Variants in CFAP46 observed in about 807,000 individuals in gnomAD.
CFAP46 encodes cilia and flagella associated protein 46, also known as cilia- and flagella-associated protein 46.
Under a neutral mutation model 325.7 loss-of-function variants are expected in CFAP46, and 245 were observed. The ratio of observed to expected loss-of-function variants is 0.75; its 90% CI spans 0.68 to 0.84. CFAP46 has a LOEUF of 0.84. CFAP46 is among the 40% of genes least tolerant of loss of function. The probability of loss-of-function intolerance (pLI) is 0.00; values close to 1 mark genes in which losing one functional copy is unlikely to be tolerated. For missense variants in CFAP46, 3,346 were observed against 3,543.0 expected (o/e 0.94, Z 1.41); for synonymous variants, 1,523 against 1,495.9 (o/e 1.02, Z -0.42).
chr10:132,933,037 C>T (rs532213505), intron 8 of CFAP46, among the ~76,000 whole-genome samples: 3 of 152,344 alleles, frequency 2.0e-5, no homozygotes, highest in East Asian at 1.9e-4. Context: ...TGCTGTTTCC[C>T]GGGGAGTAAT....
At chr10:132,892,987 G>A (rs1849274951) in intron 24 of CFAP46, among the ~76,000 whole-genome samples, 1 of 152,164 alleles carries the variant, frequency 6.6e-6, no homozygotes, top group Non-Finnish European at 1.5e-5. Flanking sequence ...GTCTCAGCCA[G>A]CACCAGGGAA....
At chr10:132,885,770 AGCACTCAGGCGGTGGAGGG>A in intron 26 of CFAP46, 32 bp downstream of exon 26, 2 of 1,369,288 alleles carry the variant, frequency 1.5e-6, no homozygotes, top group South Asian at 1.3e-5. Flanking sequence ...CGGTGGGGGG[AGCACTCAGGCGGTGGAGGG>A]AGCACTCACA....
intron 50 of CFAP46, among the ~76,000 whole-genome samples, chr10:132,831,293 C>T (rs549537090): frequency 1.3e-5 from 2 of 150,292 alleles, no homozygotes; most frequent in East Asian, 2.0e-4. Context: ...CATCAATGTC[C>T]GTTACTGATT....
rs376180107 is a variant in CFAP46, at chr10:132,858,414, G to A, written c.5376-626C>T. On this transcript the variant is annotated intron_variant, in intron 38 of 57. Coordinates refer to ENST00000368586, the MANE Select transcript of CFAP46 (RefSeq NM_001200049.3). ...GGTGGCCCCAGGTTGGAGGCAGGGC[G>A]GTGGGCGGGGCCAGGGAGGCTTTGC... 8.4e-4 allele frequency among the ~76,000 whole-genome samples: 124 copies of A among 147,840 alleles called. 2 individuals are homozygous for A. Among genetic ancestry groups the A allele is most frequent in the South Asian group, 3.0e-3 (13 of 4,338 alleles).
At chr10:132,830,520 T>C (rs1349889990) in intron 50 of CFAP46, among the ~76,000 whole-genome samples, 1 of 152,256 alleles carries the variant, frequency 6.6e-6, no homozygotes, top group Non-Finnish European at 1.5e-5. Flanking sequence ...AGGTCATCCC[T>C]TTCTTCTTGA....
chr10:132,849,486 T>C (rs1413655033), intron 41 of CFAP46, among the ~76,000 whole-genome samples: 1 of 152,186 alleles, frequency 6.6e-6, no homozygotes, highest in Non-Finnish European at 1.5e-5. Flanking sequence ...CCAGCTTCTC[T>C]GCTGGGGCAG....
At chr10:132,809,186 G>A (rs559007117) in intron 57 of CFAP46, among the ~76,000 whole-genome samples, 1 of 152,320 alleles carries the variant, frequency 6.6e-6, no homozygotes, top group African/African-American at 2.4e-5. Flanking sequence ...TGCTCTGCTG[G>A]GGGGGCGCCC....
At chr10:132,921,332 G>C (rs911471857) in intron 13 of CFAP46, among the ~76,000 whole-genome samples, 1 of 152,232 alleles carries the variant, frequency 6.6e-6, no homozygotes, top group African/African-American at 2.4e-5. Flanking sequence ...GCTGGAGAGA[G>C]TGGGGCCGCC....
In CFAP46 at chr10:132,876,691, G is replaced by A; in HGVS notation, c.4362+121C>T. Reference sequence around the variant, plus strand: ...GCCTGTGGGAGGCTGGGGGCTGATGGGACTCTGTCCTGTCCTCCTTTTTCT... The same window carrying A: ...GCCTGTGGGAGGCTGGGGGCTGATGAGACTCTGTCCTGTCCTCCTTTTTCT... On this transcript the variant is annotated intron_variant, in intron 31 of 57. Coordinates refer to ENST00000368586, the MANE Select transcript of CFAP46 (RefSeq NM_001200049.3). This position sits in a 1 kb window ranked among gnomAD's most constrained non-coding sequence, Gnocchi z 4.1. The A allele has an allele frequency of 3.8e-6, 4 of 1,045,046 alleles. No homozygotes were observed. The highest frequency in any genetic ancestry group is 5.4e-6 in the Non-Finnish European group (4 of 737,730). 64.7% of individuals were successfully genotyped at this position (1,045,046 alleles called of 1,614,324 possible). A position where few individuals can be genotyped will look rare whatever the true frequency, so the allele number is the denominator to read the frequency against.
chr10:132,814,725 G>A lies in CFAP46; in HGVS notation c.7210C>T (p.Pro2404Ser), dbSNP rs141133652. Residue 2404 changes from proline to serine, a missense_variant, in exon 52 of 58, where the codon CCC becomes TCC. By Grantham distance (74) the Pro-to-Ser change is moderately conservative. Coordinates refer to ENST00000368586, the MANE Select transcript of CFAP46 (RefSeq NM_001200049.3). ...GAGTCGACTATGATGCAGTCAGGGG[G>A]GATGGTCCGGGGGATGCTGCCCTGC... ...GRKGSIPRTI[P>S]PDCIIVDSDN... 4 of 1,613,136 alleles carry A rather than the reference G, an allele frequency of 2.5e-6. No homozygotes were observed. Among genetic ancestry groups the A allele is most frequent in the African/African-American group, 1.3e-5 (1 of 74,920 alleles).
Position 132,812,891 on chromosome 10 carries a change from G to T in CFAP46, c.7395C>A (p.Ala2465=), listed in dbSNP as rs1428643025. 1 of 1,607,426 alleles carries T rather than the reference G, an allele frequency of 6.2e-7. No homozygotes were observed. The highest frequency in any genetic ancestry group is 8.5e-7 in the Non-Finnish European group (1 of 1,179,492). The change falls in exon 55 of 58, where the codon GCC becomes GCA. Residue 2465 remains alanine, a synonymous_variant. Coordinates refer to ENST00000368586, the MANE Select transcript of CFAP46 (RefSeq NM_001200049.3). ...HLGSKHFPSQ[A]QWEQALGSCS... is the part of the protein sequence containing the mutation. ...AGCTGCCCAGGGCCTGCTCCCACTG[G>T]GCCTGGCTGCAGAGAGAGGAGAGCG... is the stretch of plus-strand genomic sequence containing the variant.
chr10:132,887,875 CTCTCTCCTCTCCTCTCTCCTCT>C, intron 25 of CFAP46, among the ~76,000 whole-genome samples: 1 of 96,050 alleles, frequency 1.0e-5, no homozygotes, highest in Non-Finnish European at 2.0e-5. Context: ...CTCCCTTCTT[CTCTCTCCTCTCCTCTCTCCTCT>C]TCTCTCCTCT....
chr10:132,850,671 C>T (rs1330815900), intron 40 of CFAP46, among the ~76,000 whole-genome samples: 1 of 152,162 alleles, frequency 6.6e-6, no homozygotes, highest in African/African-American at 2.4e-5. Context: ...GTCTTTGGTC[C>T]ATTTATACTT....
intron 18 of CFAP46, 102 bp from the exon 19 acceptor site, chr10:132,912,922 G>A: frequency 2.7e-6 from 4 of 1,486,504 alleles, no homozygotes; most frequent in Non-Finnish European, 3.6e-6. Context: ...GAGATGCACG[G>A]GTGCCCACGA....
rs112234223 is a variant in CFAP46, at chr10:132,884,998, G to A, written c.3627+105C>T. On this transcript the variant is annotated intron_variant, in intron 27 of 57. Transcript: ENST00000368586. This position sits in a 1 kb window ranked among gnomAD's most constrained non-coding sequence, Gnocchi z 5.4. ...TGTGCCCGTCAGCTGTGGCTGCTCTGCGTGCTGCCCCACACCAGGTCCCTG... is the reference window on the plus strand; with the variant it reads ...TGTGCCCGTCAGCTGTGGCTGCTCTACGTGCTGCCCCACACCAGGTCCCTG... The A allele has an allele frequency of 0.032, 40,235 of 1,240,510 alleles. 3,495 individuals are homozygous for A. Among genetic ancestry groups the A allele is most frequent in the African/African-American group, 0.31 (20,154 of 65,622 alleles). The allele number at this position is 1,240,510 out of a possible 1,614,324, so 76.8% of individuals were successfully genotyped here. A position where few individuals can be genotyped will look rare whatever the true frequency, so the allele number is the denominator to read the frequency against.
intron 35 of CFAP46, among the ~76,000 whole-genome samples, chr10:132,861,940 A>C (rs1312471326): frequency 6.6e-6 from 1 of 152,184 alleles, no homozygotes; most frequent in Admixed American, 6.5e-5. Flanking sequence ...TGGCCGTTCC[A>C]TGCATTTAGA....
At chr10:132,848,524 T>C (rs1157238921) in intron 41 of CFAP46, among the ~76,000 whole-genome samples, 1 of 118,828 alleles carries the variant, frequency 8.4e-6, no homozygotes, top group Non-Finnish European at 1.7e-5. Context: ...ATGAACACGG[T>C]GGGCTCCGAG....
chr10:132,815,860 C>G (rs1847684302), intron 50 of CFAP46, among the ~76,000 whole-genome samples: 1 of 152,038 alleles, frequency 6.6e-6, no homozygotes, highest in East Asian at 1.9e-4. Flanking sequence ...TTGTGCTGTT[C>G]TGGGGCAGTC....
At chr10:132,929,302 ACTGTAG>A in intron 9 of CFAP46, 1 of 598,700 alleles carries the variant, frequency 1.7e-6, no homozygotes, top group Non-Finnish European at 3.0e-6. Context: ...ATATTTTCAT[ACTGTAG>A]CTGTCTGCAG....
Sources: allele counts gnomAD v4.1 joint callset (sites outside exome capture counted in the v4.1 genomes callset), GRCh38; gene constraint gnomAD v4.1.1; non-coding constraint Gnocchi (gnomAD v3.1); transcripts MANE v1.5; gene names NCBI Gene and HGNC (gene_info 2026-07-23, HGNC 2026-07-21).